RPSA2: variants seen among roughly 807,000 people sequenced by gnomAD.
RPSA2 encodes the protein small ribosomal subunit protein uS2B.
the RPSA2 span, among the ~76,000 whole-genome samples, chr19:23,813,645 AT>A: frequency 6.6e-6 from 1 of 151,696 alleles, no homozygotes; most frequent in Non-Finnish European, 1.5e-5. Flanking sequence ...TTTGATAATA[AT>A]TTTATTTTTA....
the RPSA2 span, among the ~76,000 whole-genome samples, chr19:23,869,456 A>G: frequency 1.1e-3 from 161 of 152,262 alleles, 1 homozygote; most frequent in African/African-American, 3.8e-3. Context: ...ATTCCCTTCA[A>G]TAGTTCTGAC....
the RPSA2 span, among the ~76,000 whole-genome samples, chr19:23,808,500 C>T: frequency 2.6e-5 from 4 of 151,996 alleles, no homozygotes; most frequent in Non-Finnish European, 5.9e-5. Flanking sequence ...CTCCCGACCT[C>T]GTGATCCCAG....
the RPSA2 span, among the ~76,000 whole-genome samples, chr19:23,817,306 C>T: frequency 5.3e-5 from 8 of 152,052 alleles, no homozygotes; most frequent in African/African-American, 1.2e-4. Flanking sequence ...TGCCTGAACC[C>T]GGGAGGGAGA....
the RPSA2 span, among the ~76,000 whole-genome samples, chr19:23,861,762 A>G: frequency 8.1e-4 from 123 of 152,276 alleles, no homozygotes; most frequent in African/African-American, 2.8e-3. Flanking sequence ...AATATTAGCT[A>G]AAATGAGCTG....
At chr19:23,836,493 C>G in the RPSA2 span, among the ~76,000 whole-genome samples, 1 of 152,164 alleles carries the variant, frequency 6.6e-6, no homozygotes, top group African/African-American at 2.4e-5. Context: ...GTGCAAGTAT[C>G]TCTTTCAAAT....
the RPSA2 span, among the ~76,000 whole-genome samples, chr19:23,830,900 GT>G: frequency 2.0e-5 from 3 of 151,700 alleles, no homozygotes; most frequent in African/African-American, 7.3e-5. Context: ...TTATAATGTT[GT>G]TCTGTCCTGG....
At chr19:23,796,797 A>T in the RPSA2 span, among the ~76,000 whole-genome samples, 1 of 150,784 alleles carries the variant, frequency 6.6e-6, no homozygotes, top group Non-Finnish European at 1.5e-5. Context: ...GTCTCCTGTT[A>T]TTTCTAATTG....
chr19:23,787,108 C>T, the RPSA2 span, among the ~76,000 whole-genome samples: 6 of 152,050 alleles, frequency 3.9e-5, no homozygotes, highest in African/African-American at 1.4e-4. Flanking sequence ...ATTGCTACAC[C>T]CAGCACCTAG....
chr19:23,870,992 A>G, the RPSA2 span, among the ~76,000 whole-genome samples: 8,178 of 152,180 alleles, frequency 0.054, 350 homozygotes, highest in South Asian at 0.079. Context: ...GGACATCTGG[A>G]GCCTACTGTT....
At chr19:23,815,079 C>T in the RPSA2 span, among the ~76,000 whole-genome samples, 2 of 152,154 alleles carry the variant, frequency 1.3e-5, no homozygotes, top group African/African-American at 4.8e-5. Context: ...CTTTTAACTC[C>T]AAGTGATCCT....
the RPSA2 span, among the ~76,000 whole-genome samples, chr19:23,825,065 T>C: frequency 2.0e-5 from 3 of 151,988 alleles, no homozygotes; most frequent in East Asian, 3.9e-4. Context: ...TGGCAAACTC[T>C]GTCTCCTGGG....
the RPSA2 span, among the ~76,000 whole-genome samples, chr19:23,793,217 T>C: frequency 0.97 from 143,059 of 147,440 alleles, 69,474 homozygotes; most frequent in East Asian, 1. Flanking sequence ...TTTCTTTTTT[T>C]TTTTTTTTTT....
chr19:23,831,178 G>A, the RPSA2 span, among the ~76,000 whole-genome samples: 13 of 151,872 alleles, frequency 8.6e-5, no homozygotes, highest in African/African-American at 3.1e-4. Flanking sequence ...AGCACTTTAT[G>A]TCATGAGAGA....
chr19:23,778,693 C>T, the RPSA2 span, among the ~76,000 whole-genome samples: 2,449 of 152,186 alleles, frequency 0.016, 27 homozygotes, highest in Non-Finnish European at 0.026. Flanking sequence ...CAGCCCACAC[C>T]GCTTACTGTG....
At chr19:23,858,885 G>C in the RPSA2 span, among the ~76,000 whole-genome samples, 1 of 152,188 alleles carries the variant, frequency 6.6e-6, no homozygotes, top group East Asian at 1.9e-4. Context: ...CAATCTTTGA[G>C]CCCTATGTAA....
At chr19:23,865,480 G>A in the RPSA2 span, among the ~76,000 whole-genome samples, 5 of 152,038 alleles carry the variant, frequency 3.3e-5, no homozygotes, top group Non-Finnish European at 5.9e-5. Flanking sequence ...CTTGGGGTTT[G>A]GTTCGCATGG....
chr19:23,864,983 C>A, the RPSA2 span, among the ~76,000 whole-genome samples: 1 of 152,146 alleles, frequency 6.6e-6, no homozygotes, highest in African/African-American at 2.4e-5. Flanking sequence ...CCTATTCTTC[C>A]AAACATACTC....
chr19:23,778,271 G>A, the RPSA2 span, among the ~76,000 whole-genome samples: 12 of 152,276 alleles, frequency 7.9e-5, no homozygotes, highest in South Asian at 1.7e-3. Flanking sequence ...GGAATGCAAT[G>A]GCGCAATCTC....
chr19:23,761,609 A>G, the RPSA2 span, among the ~76,000 whole-genome samples: 64 of 152,226 alleles, frequency 4.2e-4, no homozygotes, highest in African/African-American at 1.5e-3. Flanking sequence ...TATTATTAAG[A>G]AATTCCTATA....
Sources: gnomAD v4.1 joint callset for allele counts (sites outside exome capture counted in the v4.1 genomes callset) on GRCh38, gnomAD v4.1.1 for gene constraint, MANE v1.5 for transcripts, NCBI Gene and HGNC (gene_info 2026-07-23, HGNC 2026-07-21) for gene names.